The following COG5 variants were observed in gnomAD, a reference collection of about 807,000 sequenced individuals.
COG5 encodes component of oligomeric golgi complex 5.
A neutral mutation model predicts 110.4 loss-of-function variants in COG5; 86 were observed. The observed-to-expected ratio is 0.78, with a 90% confidence interval of 0.65 to 0.93. The LOEUF is 0.93. Ranked by LOEUF, COG5 falls within the 40% of genes least tolerant of loss-of-function variation. COG5 has a pLI of 0.00. For synonymous variants in COG5, 360 were observed against 334.6 expected, an observed-to-expected ratio of 1.08 and a Z score of -0.83; for missense variants, 1,077 against 987.0, an observed-to-expected ratio of 1.09 and a Z score of -1.22.
At chr7:107,295,488 GT>G (rs2116898772) in intron 12 of COG5, among the ~76,000 whole-genome samples, 1 of 152,148 alleles carries the variant, frequency 6.6e-6, no homozygotes, top group East Asian at 1.9e-4. Flanking sequence ...GGCTATTCAT[GT>G]TTTGATTCTG....
intron 12 of COG5, among the ~76,000 whole-genome samples, chr7:107,290,473 GAGA>G (rs1394902920): frequency 6.6e-6 from 1 of 152,132 alleles, no homozygotes; most frequent in Non-Finnish European, 1.5e-5. Context: ...GGTCAGTTAA[GAGA>G]AGAAGAAAAT....
intron 14 of COG5, 171 bp from the exon 15 acceptor site, chr7:107,258,554 A>C: frequency 1.6e-6 from 1 of 629,544 alleles, no homozygotes; most frequent in Admixed American, 2.5e-5. Context: ...GTCAACTTAA[A>C]GCTTTGGACT....
intron 6 of COG5, among the ~76,000 whole-genome samples, chr7:107,526,616 A>G (rs1451619824): frequency 6.6e-6 from 1 of 152,192 alleles, no homozygotes; most frequent in East Asian, 1.9e-4. Flanking sequence ...ATTCATAATC[A>G]CCAAAAACTG....
chr7:107,423,861 T>G (rs148301264), intron 6 of COG5, among the ~76,000 whole-genome samples: 1 of 152,118 alleles, frequency 6.6e-6, no homozygotes, highest in African/African-American at 2.4e-5. Flanking sequence ...CAAACTAAGA[T>G]TCTATAGCTA....
rs67581814 is a variant in COG5, at chr7:107,395,541, CTTTTTTTTTT to C, written c.669+16951_669+16960del. 1.3e-3 allele frequency among the ~76,000 whole-genome samples: 64 copies of C among 50,042 alleles called. 1 individual carries two copies. The highest frequency in any genetic ancestry group is 0.012 in the Admixed American group (45 of 3,682). The allele number at this position is 50,042 out of a possible 152,430, so 32.8% of individuals were successfully genotyped here. On this transcript the variant is annotated intron_variant, in intron 7 of 21. Coordinates refer to ENST00000297135, the MANE Select transcript of COG5 (RefSeq NM_006348.5). ...AAATCGTCTTTACCATGAAGCAGAT[CTTTTTTTTTT>C]TTTTTTTTTTTTTTTTTTTTGAGAA...
At chr7:107,306,594 C>T (rs1056554873) in intron 11 of COG5, among the ~76,000 whole-genome samples, 2 of 152,094 alleles carry the variant, frequency 1.3e-5, no homozygotes, top group Non-Finnish European at 2.9e-5. Flanking sequence ...TTTTGGTTTT[C>T]TATTGTTTCT....
In COG5 at chr7:107,533,582, T is replaced by A. The variant is rs139935863; in HGVS notation, c.418-6225A>T. 1.7e-3 allele frequency among the ~76,000 whole-genome samples: 256 copies of A among 151,654 alleles called. 10 individuals are homozygous for A. The highest frequency in any genetic ancestry group is 5.9e-3 in the African/African-American group (240 of 41,006). ...AGGATATCAGAGACTGACGATCAAC[T>A]TAATGAAATAAAGCATGAAGAAAAG... On this transcript the variant is annotated intron_variant, in intron 5 of 21. Transcript: ENST00000297135.
intron 11 of COG5, among the ~76,000 whole-genome samples, chr7:107,303,688 A>C (rs1403421412): frequency 2.6e-5 from 4 of 152,092 alleles, no homozygotes; most frequent in Non-Finnish European, 5.9e-5. Context: ...GAATCCTCCC[A>C]CCTCAGTCTC....
intron 12 of COG5, 78 bp from the exon 13 acceptor site, chr7:107,283,810 T>G (rs1805391346): frequency 3.0e-6 from 3 of 1,007,226 alleles, no homozygotes; most frequent in Non-Finnish European, 4.6e-6. Flanking sequence ...GTAAATACCT[T>G]TTTAAAAAAT....
At chr7:107,311,397 T>C (rs1167680486) in intron 11 of COG5, among the ~76,000 whole-genome samples, 2 of 111,464 alleles carry the variant, frequency 1.8e-5, no homozygotes, top group Non-Finnish European at 3.6e-5. Context: ...TTTTTTTTTT[T>C]TTTTTTTGAG....
rs141771142 is a variant in COG5, at chr7:107,277,836, T to C, written c.1575+3464A>G. On this transcript the variant is annotated intron_variant, in intron 14 of 21. Coordinates refer to ENST00000297135, the MANE Select transcript of COG5 (RefSeq NM_006348.5). ...ATTTAGGTTTGTATAACACATACCT[T>C]TGGTGATTAGTAACAGAAAAGCCTT... is the stretch of plus-strand genomic sequence containing the variant. Among the ~76,000 whole-genome samples, 14 of 152,244 alleles carry C rather than the reference T, an allele frequency of 9.2e-5. No individual in the cohort carries two copies. In the East Asian group the frequency reaches 2.3e-3, roughly 25 times the overall value.
intron 6 of COG5, among the ~76,000 whole-genome samples, chr7:107,506,396 G>A (rs1799003048): frequency 6.6e-6 from 1 of 152,164 alleles, no homozygotes; most frequent in African/African-American, 2.4e-5. Context: ...GAGGGGTAAA[G>A]CCAGGTGGGG....
intron 7 of COG5, among the ~76,000 whole-genome samples, chr7:107,376,402 A>G (rs1814640901): frequency 6.6e-6 from 1 of 151,994 alleles, no homozygotes; most frequent in Non-Finnish European, 1.5e-5. Flanking sequence ...TTGAGTTCTC[A>G]AATCCATGAA....
At chr7:107,316,289 T>C (rs1274382538) in intron 11 of COG5, among the ~76,000 whole-genome samples, 1 of 151,728 alleles carries the variant, frequency 6.6e-6, no homozygotes, top group African/African-American at 2.4e-5. Context: ...AAAGGAGAAA[T>C]ATAAATGATG....
chr7:107,277,574 T>G (rs1435113266), intron 14 of COG5, among the ~76,000 whole-genome samples: 1 of 152,252 alleles, frequency 6.6e-6, no homozygotes, highest in Non-Finnish European at 1.5e-5. Flanking sequence ...TTACTCATGC[T>G]ATTAACTGTT....
At chr7:107,521,965 T>A (rs1800350368) in intron 6 of COG5, among the ~76,000 whole-genome samples, 1 of 152,194 alleles carries the variant, frequency 6.6e-6, no homozygotes, top group South Asian at 2.1e-4. Flanking sequence ...ATCATGTCCT[T>A]GGCAGGGACA....
chr7:107,373,441 C>T (rs1453821123), intron 7 of COG5, among the ~76,000 whole-genome samples: 1 of 152,038 alleles, frequency 6.6e-6, no homozygotes, highest in East Asian at 1.9e-4. Context: ...AGAGATTAGT[C>T]AGAGAATGCA....
chr7:107,461,819 C>T (rs1381123807), intron 6 of COG5, among the ~76,000 whole-genome samples: 2 of 152,036 alleles, frequency 1.3e-5, no homozygotes, highest in East Asian at 3.9e-4. Context: ...CTAGCACTAC[C>T]CAACTTGACA....
At chr7:107,257,402 A>C (rs1802968361) in intron 15 of COG5, among the ~76,000 whole-genome samples, 1 of 152,122 alleles carries the variant, frequency 6.6e-6, no homozygotes. Flanking sequence ...TTTAATGTGT[A>C]AAATACACAT....
Sources: gnomAD v4.1 joint callset for allele counts (sites outside exome capture counted in the v4.1 genomes callset) on GRCh38, gnomAD v4.1.1 for gene constraint, MANE v1.5 for transcripts, NCBI Gene and HGNC (gene_info 2026-07-23, HGNC 2026-07-21) for gene names.